The following FGF12 variants were observed in gnomAD, a reference collection of about 807,000 sequenced individuals.
FGF12 encodes fibroblast growth factor 12B.
Under a neutral mutation model 23.6 loss-of-function variants are expected in FGF12, and 14 were observed. That is an observed-to-expected ratio of 0.59 (90% confidence interval 0.39 to 0.93). The LOEUF (loss-of-function observed/expected upper bound fraction) is 0.93. Ranked by LOEUF, FGF12 falls within the 40% of genes least tolerant of loss-of-function variation. The probability of loss-of-function intolerance (pLI) is 0.00; values close to 1 mark genes in which losing one functional copy is unlikely to be tolerated. For missense variants in FGF12, 175 were observed against 217.8 expected, an observed-to-expected ratio of 0.80 and a Z score of 1.24; for synonymous variants, 62 against 77.3, an observed-to-expected ratio of 0.80 and a Z score of 1.04.
intron 4 of FGF12, among the ~76,000 whole-genome samples, chr3:192,329,769 C>T (rs970106716): frequency 6.6e-6 from 1 of 152,060 alleles, no homozygotes; most frequent in African/African-American, 2.4e-5. Flanking sequence ...TAAATCAAAA[C>T]TGGTTAAACA....
chr3:192,244,740 C>T (rs1719796383), intron 4 of FGF12: 2 of 152,122 alleles, frequency 1.3e-5, no homozygotes, highest in Admixed American at 1.3e-4. Context: ...GTATGATCAA[C>T]AAATGCTGAT....
intron 2 of FGF12, among the ~76,000 whole-genome samples, chr3:192,492,107 T>A (rs914121024): frequency 1.3e-5 from 2 of 152,182 alleles, no homozygotes; most frequent in South Asian, 4.1e-4. Context: ...TTTGGTGGCA[T>A]CGCAGGAAGA....
chr3:192,189,566 T>C (rs2108645381), intron 4 of FGF12, among the ~76,000 whole-genome samples: 1 of 152,272 alleles, frequency 6.6e-6, no homozygotes, highest in East Asian at 1.9e-4. Context: ...AAATGAGCTG[T>C]TAGAGTGGGC....
At chr3:192,154,460 C>G (rs1176930039) in intron 5 of FGF12, among the ~76,000 whole-genome samples, 2 of 125,260 alleles carry the variant, frequency 1.6e-5, no homozygotes, top group African/African-American at 5.9e-5. Flanking sequence ...TACTTTTGGT[C>G]TTTGATGATG....
intron 2 of FGF12, among the ~76,000 whole-genome samples, chr3:192,609,890 C>G (rs1714487830): frequency 6.6e-6 from 1 of 152,080 alleles, no homozygotes; most frequent in African/African-American, 2.4e-5. Flanking sequence ...CTTTGTCAGA[C>G]CATGTCAGCT....
chr3:192,469,593 G>T (rs1158554034), intron 2 of FGF12, among the ~76,000 whole-genome samples: 1 of 152,192 alleles, frequency 6.6e-6, no homozygotes, highest in Non-Finnish European at 1.5e-5. Context: ...AATTGTGTAA[G>T]ATCTAAATTA....
intron 2 of FGF12, among the ~76,000 whole-genome samples, chr3:192,411,647 T>C (rs1721203943): frequency 6.6e-6 from 1 of 152,208 alleles, no homozygotes; most frequent in Non-Finnish European, 1.5e-5. Flanking sequence ...ATTATTTTCC[T>C]TCCTTGGCTA....
chr3:192,522,140 A>G (rs199746095), intron 2 of FGF12, among the ~76,000 whole-genome samples: 110 of 151,308 alleles, frequency 7.3e-4, no homozygotes, highest in East Asian at 9.8e-4. Context: ...GGAGCTTGCA[A>G]TGAGCCGAGA....
At chr3:192,457,971 TA>T (rs1722731995) in intron 2 of FGF12, among the ~76,000 whole-genome samples, 1 of 152,160 alleles carries the variant, frequency 6.6e-6, no homozygotes, top group Non-Finnish European at 1.5e-5. Context: ...CAACTGTGGC[TA>T]AAAGTGGCCA....
intron 2 of FGF12, among the ~76,000 whole-genome samples, chr3:192,654,822 A>G (rs563284110): frequency 3.1e-4 from 47 of 152,148 alleles, no homozygotes; most frequent in Non-Finnish European, 6.3e-4. Context: ...GAGTGTCCTC[A>G]TGATATTTCT....
chr3:192,653,652 C>G (rs1279873195), intron 2 of FGF12, among the ~76,000 whole-genome samples: 1 of 151,602 alleles, frequency 6.6e-6, no homozygotes, highest in Non-Finnish European at 1.5e-5. Context: ...AAAAATACAA[C>G]AGATCAAATT....
chr3:192,628,410 G>A (rs989608494), intron 2 of FGF12, among the ~76,000 whole-genome samples: 1 of 149,688 alleles, frequency 6.7e-6, no homozygotes, highest in Non-Finnish European at 1.5e-5. Context: ...TTTCCAGAGA[G>A]GCTATACAAT....
chr3:192,567,745 C>A (rs1712374517), intron 2 of FGF12, among the ~76,000 whole-genome samples: 1 of 110,596 alleles, frequency 9.0e-6, no homozygotes, highest in African/African-American at 3.4e-5. Context: ...CTCTTTCTTT[C>A]TTTCTTTCTT....
At chr3:192,664,089 G>A (rs983405939) in intron 2 of FGF12, among the ~76,000 whole-genome samples, 3 of 152,214 alleles carry the variant, frequency 2.0e-5, no homozygotes, top group East Asian at 1.9e-4. Flanking sequence ...CTCAAGATAC[G>A]TGGAAGAGGA....
At position 192,398,064 on chromosome 3, in the gene FGF12, T is replaced by A. The variant is rs79888509; in HGVS notation, c.14-37526A>T. 1.6e-3 allele frequency among the ~76,000 whole-genome samples: 239 copies of A among 151,758 alleles called. 6 individuals are homozygous for A. The East Asian group carries it at 0.038, about 24-fold the overall frequency. Reference sequence around the variant, plus strand: ...TTCACTCTTCCCTTCAAACCCCCTTTAAAAAAAAATCTAAAACACTGCACA... The same window carrying A: ...TTCACTCTTCCCTTCAAACCCCCTTAAAAAAAAAATCTAAAACACTGCACA... On this transcript the variant is annotated intron_variant, in intron 2 of 5. Transcript: ENST00000445105.
At chr3:192,627,248 T>C (rs2108652632) in intron 2 of FGF12, among the ~76,000 whole-genome samples, 1 of 152,156 alleles carries the variant, frequency 6.6e-6, no homozygotes. Context: ...TTATCTTATA[T>C]TTTGTACTTA....
intron 2 of FGF12, among the ~76,000 whole-genome samples, chr3:192,580,984 A>G (rs9843650): frequency 0.032 from 4,919 of 152,350 alleles, 264 homozygotes; most frequent in African/African-American, 0.11. Flanking sequence ...GAAAAGTCTT[A>G]AAATGTCCAT....
chr3:192,592,493 T>C (rs1713668738), intron 2 of FGF12, among the ~76,000 whole-genome samples: 2 of 151,828 alleles, frequency 1.3e-5, no homozygotes, highest in Admixed American at 1.3e-4. Flanking sequence ...CCTATCGTTG[T>C]TTCTTTCTTA....
intron 2 of FGF12, among the ~76,000 whole-genome samples, chr3:192,653,698 A>C (rs567263578): frequency 9.7e-4 from 146 of 150,730 alleles, no homozygotes; most frequent in African/African-American, 3.4e-3. Flanking sequence ...AAACTCTTTC[A>C]ATATATATTC....
Sources: gnomAD v4.1 joint callset for allele counts (sites outside exome capture counted in the v4.1 genomes callset) on GRCh38, gnomAD v4.1.1 for gene constraint, MANE v1.5 for transcripts, NCBI Gene and HGNC (gene_info 2026-07-23, HGNC 2026-07-21) for gene names.